CATSPER3: variants seen among roughly 807,000 people sequenced by gnomAD.
CATSPER3 encodes cation channel sperm-associated protein 3.
A neutral mutation model predicts 36.6 loss-of-function variants in CATSPER3; 23 were observed. That is an observed-to-expected ratio of 0.63 (90% CI 0.45 to 0.89). CATSPER3 has a LOEUF of 0.89. Ranked by LOEUF, CATSPER3 falls within the 40% of genes least tolerant of loss-of-function variation. CATSPER3 has a pLI of 0.00. For synonymous variants in CATSPER3, 172 were observed against 184.1 expected (o/e 0.93, Z 0.53); for missense variants, 474 against 503.9 (o/e 0.94, Z 0.57).
At chr5:135,010,609 A>G in intron 7 of CATSPER3, 79 bp downstream of exon 7, 1 of 1,334,174 alleles carries the variant, frequency 7.5e-7, no homozygotes, top group South Asian at 1.2e-5. Flanking sequence ...GGGAGAGTGA[A>G]GGGGGTGATG....
At position 135,008,926 on chromosome 5, in the gene CATSPER3, TC is replaced by T. The variant is rs761445029; in HGVS notation, c.762del (p.Ala255ProfsTer12). 2.5e-6 allele frequency: 4 copies of T among 1,613,904 alleles called. No homozygotes were observed. The highest frequency in any genetic ancestry group is 3.4e-6 in the Non-Finnish European group (4 of 1,179,940). Reference sequence around the variant, plus strand: ...GCATTCACCATCATCTTCATCTTGCTCGCCTCTTTCATCTTCCTCAACATGT... The same window carrying T: ...GCATTCACCATCATCTTCATCTTGCTGCCTCTTTCATCTTCCTCAACATGT... ...SRAFTIIFIL[L>X]ASFIFLNMFV... On this transcript the variant is annotated frameshift_variant, in exon 5 of 8. Coordinates refer to ENST00000282611, the MANE Select transcript of CATSPER3 (RefSeq NM_178019.3). LOFTEE classifies it high-confidence loss of function.
rs1343111698 is a variant in CATSPER3, at chr5:134,970,011, T to C, written c.171T>C (p.Ile57=). The change falls in exon 2 of 8, where the codon ATT becomes ATC. Residue 57 remains isoleucine, a synonymous_variant. Coordinates refer to ENST00000282611, the MANE Select transcript of CATSPER3 (RefSeq NM_178019.3). ...IMSRFFKIIM[I]STVTSNAFFM... Reference sequence around the variant, plus strand: ...GCCGTTTCTTTAAGATAATTATGATTAGCACTGTCACATCGAATGCGTTTT... The same window carrying C: ...GCCGTTTCTTTAAGATAATTATGATCAGCACTGTCACATCGAATGCGTTTT... 2 of 1,613,924 alleles carry C rather than the reference T, an allele frequency of 1.2e-6. No homozygotes were observed. The highest frequency in any genetic ancestry group is 1.3e-5 in the African/African-American group (1 of 74,902).
At chr5:134,975,348 T>A (rs1352915085) in intron 2 of CATSPER3, 3 of 150,700 alleles carry the variant, frequency 2.0e-5, no homozygotes, top group Non-Finnish European at 4.4e-5. Flanking sequence ...GCATTGAACA[T>A]GTGGAAATGC....
intron 2 of CATSPER3, among the ~76,000 whole-genome samples, chr5:134,978,854 G>A (rs1489601579): frequency 6.6e-6 from 1 of 151,866 alleles, no homozygotes; most frequent in Non-Finnish European, 1.5e-5. Flanking sequence ...TGAGTAGCTG[G>A]GACTACAGGT....
At chr5:135,007,238 G>A (rs1022607275) in intron 3 of CATSPER3, among the ~76,000 whole-genome samples, 2 of 152,164 alleles carry the variant, frequency 1.3e-5, no homozygotes, top group Non-Finnish European at 2.9e-5. Flanking sequence ...AGCCTCTGAC[G>A]GCTCATTTTG....
At chr5:134,980,756 C>T (rs893402468) in intron 2 of CATSPER3, among the ~76,000 whole-genome samples, 1 of 152,098 alleles carries the variant, frequency 6.6e-6, no homozygotes, top group Non-Finnish European at 1.5e-5. Context: ...ATCAGACAGT[C>T]TCACTCTGTT....
chr5:135,007,806 C>G, intron 3 of CATSPER3, 151 bp from the exon 4 acceptor site: 2 of 98,802 alleles, frequency 2.0e-5, no homozygotes, highest in East Asian at 3.3e-4. Flanking sequence ...ACCAACCAAC[C>G]CACCCACCCA....
At chr5:134,978,989 T>C (rs977485040) in intron 2 of CATSPER3, among the ~76,000 whole-genome samples, 2 of 152,170 alleles carry the variant, frequency 1.3e-5, no homozygotes, top group African/African-American at 4.8e-5. Flanking sequence ...CCCAAAGTGC[T>C]GGGATTACAG....
At chr5:135,006,233 A>G (rs1315330986) in intron 3 of CATSPER3, among the ~76,000 whole-genome samples, 1 of 152,156 alleles carries the variant, frequency 6.6e-6, no homozygotes. Context: ...TCTAGCTGTC[A>G]TGGGTCCTTT....
At position 134,996,597 on chromosome 5, in the gene CATSPER3, A is replaced by C. The variant is rs73790770; in HGVS notation, c.492+85A>C. The stretch of plus-strand genomic sequence containing the variant: ...AAGACACTAAGGAAATAATGACTCT[A>C]CTACCATCTTCCAGTTGTTGAGTCC... On this transcript the variant is annotated intron_variant, in intron 3 of 7. Coordinates refer to ENST00000282611, the MANE Select transcript of CATSPER3 (RefSeq NM_178019.3). 2.6e-3 allele frequency: 3,632 copies of C among 1,386,542 alleles called. 85 individuals are homozygous for C. The African/African-American group carries it at 0.046, about 18-fold the overall frequency. 85.9% of individuals were successfully genotyped at this position (1,386,542 alleles called of 1,614,324 possible). A position where few individuals can be genotyped will look rare whatever the true frequency, so the allele number is the denominator to read the frequency against.
At chr5:134,971,757 A>G (rs1213366343) in intron 2 of CATSPER3, among the ~76,000 whole-genome samples, 1 of 152,210 alleles carries the variant, frequency 6.6e-6, no homozygotes, top group African/African-American at 2.4e-5. Flanking sequence ...AGGATCCCAC[A>G]GTTGGGATAA....
intron 2 of CATSPER3, among the ~76,000 whole-genome samples, chr5:134,984,285 C>T (rs1008234407): frequency 6.6e-5 from 10 of 151,970 alleles, no homozygotes; most frequent in African/African-American, 2.2e-4. Context: ...AAATGGGACC[C>T]GATTCAACTA....
At chr5:134,980,605 A>G (rs574722752) in intron 2 of CATSPER3, among the ~76,000 whole-genome samples, 2 of 150,536 alleles carry the variant, frequency 1.3e-5, no homozygotes, top group Non-Finnish European at 3.0e-5. Context: ...TAATTTTTGT[A>G]TTTTTAGTAG....
chr5:134,992,446 C>G (rs1002065481), intron 2 of CATSPER3, among the ~76,000 whole-genome samples: 3 of 152,086 alleles, frequency 2.0e-5, no homozygotes, highest in Non-Finnish European at 4.4e-5. Context: ...AAAATGGGGC[C>G]GGGTGCAGTA....
chr5:134,982,464 G>T (rs1320833771), intron 2 of CATSPER3, among the ~76,000 whole-genome samples: 2 of 152,156 alleles, frequency 1.3e-5, no homozygotes, highest in Non-Finnish European at 2.9e-5. Flanking sequence ...TAAGCAAGTT[G>T]TCACATACAA....
intron 2 of CATSPER3, among the ~76,000 whole-genome samples, chr5:134,970,608 G>GT (rs982000052): frequency 7.5e-6 from 1 of 133,102 alleles, no homozygotes; most frequent in African/African-American, 2.9e-5. Flanking sequence ...GTCTCGCCCT[G>GT]TTGCCCAACC....
At chr5:134,987,215 A>T (rs976649070) in intron 2 of CATSPER3, among the ~76,000 whole-genome samples, 30 of 152,372 alleles carry the variant, frequency 2.0e-4, no homozygotes, top group African/African-American at 6.5e-4. Context: ...GTTATAGGAG[A>T]ATACTATAAG....
intron 4 of CATSPER3, 100 bp downstream of exon 4, chr5:135,008,239 C>T (rs1752116655): frequency 1.0e-6 from 1 of 993,798 alleles, no homozygotes; most frequent in African/African-American, 1.6e-5. Context: ...TGGGGCTTTC[C>T]TCATGTCCAG....
intron 3 of CATSPER3, among the ~76,000 whole-genome samples, chr5:135,003,502 C>T (rs1450141466): frequency 6.6e-6 from 1 of 152,236 alleles, no homozygotes; most frequent in East Asian, 1.9e-4. Context: ...AAATTTAAGT[C>T]TGCAGAAGTT....
Sources: allele counts gnomAD v4.1 joint callset (sites outside exome capture counted in the v4.1 genomes callset), GRCh38; gene constraint gnomAD v4.1.1; transcripts MANE v1.5; gene names NCBI Gene and HGNC (gene_info 2026-07-23, HGNC 2026-07-21).